The following TUT1 variants were observed in gnomAD, a reference collection of about 807,000 sequenced individuals.
The protein encoded by TUT1 is speckle targeted PIP5K1A-regulated poly(A) polymerase.
Under a neutral mutation model 48.8 loss-of-function variants are expected in TUT1, and 26 were observed. The observed-to-expected ratio is 0.53, with a 90% CI of 0.39 to 0.74. TUT1 has a LOEUF of 0.74. TUT1 is among the 30% of genes least tolerant of loss of function. TUT1 has a pLI of 0.00. For missense variants in TUT1, 1,065 were observed against 1,114.8 expected, an observed-to-expected ratio of 0.96 and a Z score of 0.64; for synonymous variants, 470 against 460.8, an observed-to-expected ratio of 1.02 and a Z score of -0.26.
rs1941776410 is a variant in TUT1 at position 62,578,854 on chromosome 11, A to G, written c.867T>C (p.Thr289=). The G allele has an allele frequency of 6.2e-7, 1 of 1,612,700 alleles. No homozygotes were observed. Among genetic ancestry groups the G allele is most frequent in the African/African-American group, 1.3e-5 (1 of 74,804 alleles). ...TCTCGGAGGCCAAGGCAGAGTCCGGAGTTTGGGGCGCCAGGGAGGAGGAAG... is the reference window on the plus strand; with the variant it reads ...TCTCGGAGGCCAAGGCAGAGTCCGGGGTTTGGGGCGCCAGGGAGGAGGAAG... ...ETPSSSLAPQ[T]PDSALASETL... Residue 289 remains threonine (T), a synonymous_variant, in exon 5 of 9, where the codon ACT becomes ACC. Coordinates refer to ENST00000476907, the MANE Select transcript of TUT1 (RefSeq NM_022830.3).
At chr11:62,579,559 G>T (rs146799327) in intron 4 of TUT1, among the ~76,000 whole-genome samples, 225 of 152,050 alleles carry the variant, frequency 1.5e-3, no homozygotes, top group African/African-American at 5.0e-3. Flanking sequence ...TAAAAATAAT[G>T]ATAAAACATT....
chr11:62,576,387 TC>T (rs1253090566), intron 8 of TUT1, 143 bp from the exon 9 acceptor site: 2 of 1,104,994 alleles, frequency 1.8e-6, no homozygotes, highest in Non-Finnish European at 2.5e-6. Flanking sequence ...GCTTCTCTGA[TC>T]CCTATAAACA....
In TUT1 at chr11:62,581,480, C is replaced by T; in HGVS notation, c.495G>A (p.Lys165=). ...EAADVGAQMI[K]LVGLRELSEA... is the part of the protein sequence containing the mutation. ...CGGACAACTCCCTCAGCCCCACAAG[C>T]TTTATCATTTGTGCCCCCACGTCTG... is the stretch of plus-strand genomic sequence containing the variant. Residue 165 remains lysine (K), a synonymous_variant, in exon 3 of 9, where the codon AAG becomes AAA. Coordinates refer to ENST00000476907, the MANE Select transcript of TUT1 (RefSeq NM_022830.3). 1.2e-6 allele frequency: 2 copies of T among 1,614,212 alleles called. No individual in the cohort carries two copies. The highest frequency in any genetic ancestry group is 4.5e-5 in the East Asian group (2 of 44,890).
At chr11:62,576,527 G>A in intron 8 of TUT1, 130 bp downstream of exon 8, 1 of 871,306 alleles carries the variant, frequency 1.1e-6, no homozygotes, top group African/African-American at 1.7e-5. Context: ...TCTGTAAAAT[G>A]GCAGTAATAA....
chr11:62,587,781 A>C (rs140117327), intron 2 of TUT1, among the ~76,000 whole-genome samples: 1 of 152,262 alleles, frequency 6.6e-6, no homozygotes, highest in East Asian at 1.9e-4. Flanking sequence ...CCATGCCTAC[A>C]TAACAAGAGT....
chr11:62,584,127 A>ATTTTTT (rs1190506956), intron 2 of TUT1, among the ~76,000 whole-genome samples: 1 of 133,302 alleles, frequency 7.5e-6, no homozygotes, highest in African/African-American at 2.8e-5. Context: ...ACTGAATTGT[A>ATTTTTT]TTTTTTTTTT....
In TUT1 at chr11:62,576,895, T is replaced by C; in HGVS notation, c.1381+12A>G. On this transcript the variant is annotated intron_variant, in intron 7 of 8. Transcript: ENST00000476907. ...CTAACAAGATGGAGAGGGTGGAGGC[T>C]AGGCCGAGTACCTGCTTTCTGGGTG... The C allele has an allele frequency of 6.2e-7, 1 of 1,613,076 alleles. No homozygotes were observed. The highest frequency in any genetic ancestry group is 8.5e-7 in the Non-Finnish European group (1 of 1,179,092).
intron 4 of TUT1, among the ~76,000 whole-genome samples, chr11:62,579,624 T>A (rs962923033): frequency 1.3e-5 from 2 of 152,086 alleles, no homozygotes; most frequent in Non-Finnish European, 2.9e-5. Context: ...TCTGCTCACT[T>A]TTGCTGTGAA....
intron 2 of TUT1, among the ~76,000 whole-genome samples, chr11:62,586,281 A>G (rs1022173924): frequency 1.3e-5 from 2 of 152,260 alleles, no homozygotes; most frequent in Admixed American, 1.3e-4. Context: ...CGAAGTATGT[A>G]TTATTATTTC....
chr11:62,575,113 G>C lies in TUT1; in HGVS notation c.2606C>G (p.Ala869Gly). 6.4e-7 allele frequency: 1 copy of C among 1,570,300 alleles called. No individual in the cohort carries two copies. ...ATGTCTTCACTTGAGATGTCGAATTGCTTGAGGGAGGAAAACCTGTAAGAA... is the reference window on the plus strand; with the variant it reads ...ATGTCTTCACTTGAGATGTCGAATTCCTTGAGGGAGGAAAACCTGTAAGAA... ...HHFLQVFLPQAIRHLK is the reference protein window; with the variant it reads ...HHFLQVFLPQGIRHLK The change falls in exon 9 of 9, where the codon GCA (alanine) becomes GGA (glycine). Residue 869 changes from alanine (A) to glycine (G), a missense_variant. Physicochemically the swap from Ala to Gly is moderately conservative, Grantham distance 60. Coordinates refer to ENST00000476907, the MANE Select transcript of TUT1 (RefSeq NM_022830.3).
At position 62,577,187 on chromosome 11, in the gene TUT1, A is replaced by G. The variant is rs767682719; in HGVS notation, c.1265T>C (p.Leu422Pro). 2.5e-6 allele frequency: 4 copies of G among 1,608,356 alleles called. No homozygotes were observed. Among genetic ancestry groups the G allele is most frequent in the South Asian group, 2.2e-5 (2 of 90,576 alleles). The change falls in exon 6 of 9, where the codon CTG becomes CCG. Residue 422 changes from leucine to proline, a missense_variant. Physicochemically the swap from Leu to Pro is moderately conservative, Grantham distance 98. Coordinates refer to ENST00000476907, the MANE Select transcript of TUT1 (RefSeq NM_022830.3). ...CTGTCCTGATCCATTCTCACCTGAC[A>G]GCCCCCGACCCTGAGCCCAGCAGCG... is the stretch of plus-strand genomic sequence containing the variant. ...TLRCWAQGRGLSGSGPLLSNY... is the reference protein window; with the variant it reads ...TLRCWAQGRGPSGSGPLLSNY...
In TUT1 at chr11:62,591,522, C is replaced by T; in HGVS notation, c.-37G>A. The T allele has an allele frequency of 6.2e-7, 1 of 1,613,376 alleles. No homozygotes were observed. Among genetic ancestry groups the T allele is most frequent in the Non-Finnish European group, 8.5e-7 (1 of 1,179,676 alleles). ...TGTACCGACAAAAACACAAGCACCT[C>T]TGCCACCACCGGAACCCACTTCGCC... is the stretch of plus-strand genomic sequence containing the variant. On this transcript the variant is annotated 5_prime_UTR_variant, in exon 1 of 9. Transcript: ENST00000476907.
chr11:62,586,072 C>T (rs145418040), intron 2 of TUT1, among the ~76,000 whole-genome samples: 32 of 152,302 alleles, frequency 2.1e-4, no homozygotes, highest in African/African-American at 7.5e-4. Flanking sequence ...AAGCCAAGTT[C>T]GCGCCACTGC....
chr11:62,589,183 G>C lies in TUT1; in HGVS notation c.121C>G (p.Arg41Gly). ...LDAHLGGRKH[R>G]HLVELRAARK... ...GCAGCTCGTAGTTCTACCAGGTGCC[G>C]GTGCTTTCTGCCTCCCAAGTGGGCA... Residue 41 changes from arginine to glycine, a missense_variant, in exon 2 of 9, where the codon CGG becomes GGG. Arg to Gly is a moderately radical substitution (Grantham distance 125). Coordinates refer to ENST00000476907, the MANE Select transcript of TUT1 (RefSeq NM_022830.3). 1 of 1,614,178 alleles carries C rather than the reference G, an allele frequency of 6.2e-7. No individual in the cohort carries two copies. The highest frequency in any genetic ancestry group is 8.5e-7 in the Non-Finnish European group (1 of 1,180,028).
intron 1 of TUT1, among the ~76,000 whole-genome samples, chr11:62,590,636 CAAA>C (rs533721845): frequency 1.2e-4 from 8 of 66,372 alleles, no homozygotes; most frequent in Admixed American, 3.4e-4. Context: ...GACTCTGTCT[CAAA>C]AAAAAAAAAA....
intron 1 of TUT1, among the ~76,000 whole-genome samples, chr11:62,589,747 A>T (rs1161265573): frequency 6.6e-6 from 1 of 152,256 alleles, no homozygotes; most frequent in Non-Finnish European, 1.5e-5. Flanking sequence ...TCTACACAAG[A>T]ACTAAAAAAA....
intron 1 of TUT1, among the ~76,000 whole-genome samples, chr11:62,590,472 TA>T (rs1419344786): frequency 1.6e-4 from 25 of 152,026 alleles, no homozygotes; most frequent in African/African-American, 5.3e-4. Context: ...TCGTCTCTAC[TA>T]AAAAATACAA....
chr11:62,576,094 T>C lies in TUT1; in HGVS notation c.1625A>G (p.Gln542Arg). 1.2e-6 allele frequency: 2 copies of C among 1,614,016 alleles called. No individual in the cohort carries two copies. The highest frequency in any genetic ancestry group is 1.7e-6 in the Non-Finnish European group (2 of 1,180,030). Residue 542 changes from glutamine (Q) to arginine (R), a missense_variant, in exon 9 of 9, where the codon CAG becomes CGG. Transcript: ENST00000476907. ...EGLRLGPLNL[Q>R]DPFDLSHNVA... The stretch of plus-strand genomic sequence containing the variant: ...ATTGTGACTCAGGTCAAAAGGGTCC[T>C]GGAGATTCAGGGGGCCAAGGCGCAG...
rs767735653 is a variant in TUT1, at chr11:62,577,003, G to A, written c.1285C>T (p.Leu429Phe). The A allele has an allele frequency of 3.7e-6, 6 of 1,613,944 alleles. No individual in the cohort carries two copies. The South Asian group carries it at 5.5e-5, about 15-fold the overall frequency. ...GRGLSGSGPL[L>F]SNYALTLLVI... is the part of the protein sequence containing the mutation. ...AGCAAGGTCAGGGCGTAGTTACTGA[G>A]AAGGGGGCCACTCCCTGGGTAAATA... is the stretch of plus-strand genomic sequence containing the variant. Residue 429 changes from leucine to phenylalanine, a missense_variant, in exon 7 of 9, where the codon CTC (leucine) becomes TTC (phenylalanine). Leu to Phe is a conservative substitution (Grantham distance 22). Transcript: ENST00000476907.
Sources: gnomAD v4.1 joint callset for allele counts (sites outside exome capture counted in the v4.1 genomes callset) on GRCh38, gnomAD v4.1.1 for gene constraint, MANE v1.5 for transcripts, NCBI Gene and HGNC (gene_info 2026-07-23, HGNC 2026-07-21) for gene names.